Variants in DROSHA observed in about 807,000 individuals in gnomAD.
DROSHA encodes the protein ribonuclease 3.
Under a neutral mutation model 181.9 loss-of-function variants are expected in DROSHA, and 56 were observed. That is an observed-to-expected ratio of 0.31 (90% CI 0.25 to 0.38). The LOEUF is 0.38. Ranked by LOEUF, DROSHA falls within the 10% of genes least tolerant of loss-of-function variation. The pLI is 1.00. For synonymous variants in DROSHA, 524 were observed against 591.2 expected, an observed-to-expected ratio of 0.89 and a Z score of 1.65; for missense variants, 1,218 against 1,743.5, an observed-to-expected ratio of 0.70 and a Z score of 5.37.
intron 35 of DROSHA, among the ~76,000 whole-genome samples, chr5:31,404,182 T>C (rs1740378099): frequency 6.6e-6 from 1 of 152,072 alleles, no homozygotes; most frequent in Non-Finnish European, 1.5e-5. Context: ...TGCTTTCCAG[T>C]AGTTTAAACA....
Position 31,484,884 on chromosome 5 carries a change from T to C in DROSHA, c.1993A>G (p.Lys665Glu). ...TTCTTTAAATCCTATTACTTACCTT[T>C]AAGATTCCAGTCATATAATTCCAAA... ...DILELYDWNL[K>E]GPLFEDSPPC... is the part of the protein sequence containing the mutation. Residue 665 changes from lysine to glutamate, a missense_variant, in exon 15 of 36, where the codon AAA (lysine) becomes GAA (glutamate). Transcript: ENST00000344624. 1 of 1,537,252 alleles carries C rather than the reference T, an allele frequency of 6.5e-7. No homozygotes were observed.
intron 12 of DROSHA, among the ~76,000 whole-genome samples, chr5:31,493,611 T>C (rs1410267134): frequency 6.6e-6 from 1 of 152,214 alleles, no homozygotes; most frequent in Non-Finnish European, 1.5e-5. Flanking sequence ...ATGAACTATG[T>C]TTCTGAACTA....
intron 13 of DROSHA, 108 bp from the exon 14 acceptor site, chr5:31,486,670 C>A: frequency 1.2e-6 from 1 of 839,180 alleles, no homozygotes; most frequent in Non-Finnish European, 1.9e-6. Flanking sequence ...GAGAAGGCTT[C>A]ACCTTCATCT....
chr5:31,500,376 A>C (rs922873469), intron 11 of DROSHA, among the ~76,000 whole-genome samples: 7 of 152,198 alleles, frequency 4.6e-5, no homozygotes, highest in African/African-American at 1.7e-4. Flanking sequence ...GGAAGAGTAG[A>C]TTGACCTGGG....
intron 34 of DROSHA, among the ~76,000 whole-genome samples, chr5:31,406,012 A>C (rs1740613252): frequency 6.6e-6 from 1 of 152,134 alleles, no homozygotes; most frequent in Non-Finnish European, 1.5e-5. Context: ...TTAGGTCTGA[A>C]GTATTTCATA....
At chr5:31,510,190 A>G (rs961850345) in intron 9 of DROSHA, among the ~76,000 whole-genome samples, 43 of 152,312 alleles carry the variant, frequency 2.8e-4, no homozygotes, top group African/African-American at 1.0e-3. Flanking sequence ...ATGAAATCCA[A>G]CATGGAGTTG....
At position 31,526,299 on chromosome 5, in the gene DROSHA, G is replaced by A. The variant is rs1740552342; in HGVS notation, c.634C>T (p.Leu212Phe). 2 of 1,613,916 alleles carry A rather than the reference G, an allele frequency of 1.2e-6. No individual in the cohort carries two copies. Among genetic ancestry groups the A allele is most frequent in the East Asian group, 4.5e-5 (2 of 44,868 alleles). ...PHFRHLPPYP[L>F]PKAPSERRSP... ...CTTCTCTCACTGGGAGCCTTTGGGA[G>A]TGGGTATGGAGGGAGATGTCTGAAA... Residue 212 changes from leucine to phenylalanine, a missense_variant, in exon 5 of 36, where the codon CTC (leucine) becomes TTC (phenylalanine). Around this residue, in one of 8 missense-constraint regions of DROSHA, gnomAD observed 536 missense variants for 535.4 expected, o/e 1.00. Coordinates refer to ENST00000344624, the MANE Select transcript of DROSHA (RefSeq NM_001382508.1).
intron 24 of DROSHA, among the ~76,000 whole-genome samples, chr5:31,436,741 AACACACACACACAC>A (rs58046266): frequency 0.036 from 4,908 of 137,760 alleles, 235 homozygotes; most frequent in African/African-American, 0.11. Context: ...TCTGGAGAGA[AACACACACACACAC>A]ACACACACAC....
At chr5:31,480,967 A>T (rs975866404) in intron 16 of DROSHA, among the ~76,000 whole-genome samples, 2 of 152,246 alleles carry the variant, frequency 1.3e-5, no homozygotes, top group Non-Finnish European at 2.9e-5. Context: ...GGCACTATAT[A>T]TCACAATCTT....
At chr5:31,494,712 G>A (rs1752763553) in intron 12 of DROSHA, among the ~76,000 whole-genome samples, 1 of 151,922 alleles carries the variant, frequency 6.6e-6, no homozygotes, top group Non-Finnish European at 1.5e-5. Flanking sequence ...TTTTGAGACA[G>A]TCTCACACTG....
At chr5:31,418,615 A>C (rs1168460252) in intron 30 of DROSHA, among the ~76,000 whole-genome samples, 1 of 152,196 alleles carries the variant, frequency 6.6e-6, no homozygotes, top group Admixed American at 6.5e-5. Flanking sequence ...GCAGTGGTCC[A>C]GGTGAGTAAG....
At chr5:31,498,856 C>CA (rs199855344) in intron 11 of DROSHA, among the ~76,000 whole-genome samples, 10,797 of 140,240 alleles carry the variant, frequency 0.077, 871 homozygotes, top group East Asian at 0.22. Context: ...AACTCTGTAT[C>CA]AAAAAAAAAA....
chr5:31,455,487 G>A (rs1747548527), intron 20 of DROSHA, among the ~76,000 whole-genome samples: 1 of 151,972 alleles, frequency 6.6e-6, no homozygotes, highest in Non-Finnish European at 1.5e-5. Flanking sequence ...TATACTGAAA[G>A]TATATACAGC....
In DROSHA at chr5:31,424,497, T is replaced by C. The variant is rs370032474; in HGVS notation, c.3217-26A>G. On this transcript the variant is annotated intron_variant, in intron 27 of 35. Coordinates refer to ENST00000344624, the MANE Select transcript of DROSHA (RefSeq NM_001382508.1). ...CTGGAAAATGGAGTGATGCCTTTAATGCTCAAGGGAGCCATTTAACGCACT... is the reference window on the plus strand; with the variant it reads ...CTGGAAAATGGAGTGATGCCTTTAACGCTCAAGGGAGCCATTTAACGCACT... The C allele has an allele frequency of 5.7e-6, 9 of 1,579,860 alleles. No homozygotes were observed. In the East Asian group the frequency reaches 1.2e-4, roughly 20 times the overall value.
Position 31,451,698 on chromosome 5 carries a change from T to C in DROSHA, c.2575-58A>G, listed in dbSNP as rs545087864. The C allele has an allele frequency of 5.6e-5, 77 of 1,373,584 alleles. No homozygotes were observed. In the African/African-American group the frequency reaches 7.4e-4, roughly 13 times the overall value. 85.1% of individuals were successfully genotyped at this position (1,373,584 alleles called of 1,614,324 possible). A position where few individuals can be genotyped will look rare whatever the true frequency, so the allele number is the denominator to read the frequency against. Reference sequence around the variant, plus strand: ...TATAAAAACTTATAAAGTCACTTCATTTATTTTACAACAAGCCAGAACCAT... The same window carrying C: ...TATAAAAACTTATAAAGTCACTTCACTTATTTTACAACAAGCCAGAACCAT... On this transcript the variant is annotated intron_variant, in intron 20 of 35. Coordinates refer to ENST00000344624, the MANE Select transcript of DROSHA (RefSeq NM_001382508.1).
rs948687960 is a variant in DROSHA at position 31,404,603 on chromosome 5, C to T, written c.3994+1074G>A. On this transcript the variant is annotated intron_variant, in intron 35 of 35. Transcript: ENST00000344624. The stretch of plus-strand genomic sequence containing the variant: ...ATAATAGAATTGCACTGTCATGTTG[C>T]GCCCACAGGTTCTGCTGTGCAGCAC... 3.9e-5 allele frequency among the ~76,000 whole-genome samples: 6 copies of T among 152,120 alleles called. No individual in the cohort carries two copies. The East Asian group carries it at 5.8e-4, about 15-fold the overall frequency.
Position 31,411,800 on chromosome 5 carries a change from T to C in DROSHA, c.3526-913A>G, listed in dbSNP as rs1741345856. Among the ~76,000 whole-genome samples, 1 of 152,170 alleles carries C rather than the reference T, an allele frequency of 6.6e-6. No individual in the cohort carries two copies. Among genetic ancestry groups the C allele is most frequent in the Non-Finnish European group, 1.5e-5 (1 of 68,024 alleles). On this transcript the variant is annotated intron_variant, in intron 30 of 35. Transcript: ENST00000344624. The surrounding 1 kb of genome is among the most constrained non-coding windows in gnomAD (Gnocchi z 4.2). ...TGCCAACATGCCCAGCTAATTTTTG[T>C]ATTTTTTGTAGAGACAGGGTTTCAC...
In DROSHA at chr5:31,472,142, T is replaced by A; in HGVS notation, c.2162A>T (p.Asn721Ile). 6.2e-7 allele frequency: 1 copy of A among 1,613,956 alleles called. No homozygotes were observed. The highest frequency in any genetic ancestry group is 8.5e-7 in the Non-Finnish European group (1 of 1,179,874). ...CTCCAGCTCCTCCCACTGAAGCATA[T>A]TGGCAATCTCCTCCTCAGGCACCAG... ...KALVPEEEIA[N>I]MLQWEELEWQ... Residue 721 changes from asparagine to isoleucine, a missense_variant, in exon 17 of 36, where the codon AAT becomes ATT. By Grantham distance (149) the Asn-to-Ile change is moderately radical. Coordinates refer to ENST00000344624, the MANE Select transcript of DROSHA (RefSeq NM_001382508.1).
chr5:31,486,607 C>A (rs1751792355), intron 13 of DROSHA, 45 bp from the exon 14 acceptor site: 2 of 1,568,612 alleles, frequency 1.3e-6, no homozygotes, highest in African/African-American at 1.4e-5. Context: ...CGTCTCCCTG[C>A]AGGCTCATAT....
Sources: allele counts gnomAD v4.1 joint callset (sites outside exome capture counted in the v4.1 genomes callset), GRCh38; gene constraint gnomAD v4.1.1; regional missense constraint gnomAD v4.1.1; non-coding constraint Gnocchi (gnomAD v3.1); transcripts MANE v1.5; gene names NCBI Gene and HGNC (gene_info 2026-07-23, HGNC 2026-07-21).